Variants in PTPRT observed in about 807,000 individuals in gnomAD.
PTPRT encodes protein tyrosine phosphatase receptor type T.
Under a neutral mutation model 176.8 loss-of-function variants are expected in PTPRT, and 56 were observed. That is an observed-to-expected ratio of 0.32 (90% CI 0.26 to 0.40). The LOEUF is 0.40. Among genes scored for constraint, PTPRT ranks in the 10% least tolerant of loss-of-function variants. The pLI is 1.00. For synonymous variants in PTPRT, 783 were observed against 739.0 expected (o/e 1.06, Z -0.96); for missense variants, 1,540 against 1,908.2 (o/e 0.81, Z 3.60).
chr20:42,415,400 C>T (rs1568859586), intron 9 of PTPRT, among the ~76,000 whole-genome samples: 3 of 151,474 alleles, frequency 2.0e-5, no homozygotes, highest in African/African-American at 4.9e-5. Context: ...TTTGTAGATA[C>T]GGGGTTTCAC....
intron 9 of PTPRT, among the ~76,000 whole-genome samples, chr20:42,441,821 CT>C (rs1211237918): frequency 2.0e-5 from 3 of 152,162 alleles, no homozygotes; most frequent in Admixed American, 1.3e-4. Context: ...AGCTTTTTTC[CT>C]TGTTACCAGC....
intron 1 of PTPRT, among the ~76,000 whole-genome samples, chr20:43,077,663 G>A (rs934429206): frequency 5.3e-5 from 8 of 152,024 alleles, no homozygotes; most frequent in Admixed American, 1.3e-4. Context: ...AAAACACACC[G>A]GCTTCAGTTA....
chr20:42,070,897 G>A (rs6016676), downstream of PTPRT, among the ~76,000 whole-genome samples: 42,491 of 152,016 alleles, frequency 0.28, 6,089 homozygotes, highest in Middle Eastern at 0.31. Flanking sequence ...GGAGTTATGT[G>A]AGATTTTTTT....
At chr20:42,252,633 C>T (rs1205165823) in intron 13 of PTPRT, among the ~76,000 whole-genome samples, 2 of 152,184 alleles carry the variant, frequency 1.3e-5, no homozygotes, top group African/African-American at 4.8e-5. Context: ...CAAGTCCACA[C>T]ACAAAGGAAA....
At chr20:42,311,710 C>G (rs1232622515) in intron 12 of PTPRT, among the ~76,000 whole-genome samples, 1 of 152,032 alleles carries the variant, frequency 6.6e-6, no homozygotes, top group East Asian at 1.9e-4. Flanking sequence ...CACCCCATAT[C>G]AAATCTAGTG....
At chr20:42,239,012 A>G (rs933952682) in intron 14 of PTPRT, among the ~76,000 whole-genome samples, 2 of 152,200 alleles carry the variant, frequency 1.3e-5, no homozygotes, top group African/African-American at 2.4e-5. Context: ...AAAGTATTCT[A>G]TGTAAATTCC....
At chr20:43,061,222 C>A (rs533402526) in intron 1 of PTPRT, among the ~76,000 whole-genome samples, 88 of 152,220 alleles carry the variant, frequency 5.8e-4, no homozygotes, top group Middle Eastern at 3.4e-3. Context: ...AACTCCTTTC[C>A]GTCACTACTC....
chr20:42,133,434 T>A (rs902727601), intron 18 of PTPRT, among the ~76,000 whole-genome samples: 1 of 152,108 alleles, frequency 6.6e-6, no homozygotes, highest in African/African-American at 2.4e-5. Flanking sequence ...AAGAAGCCAA[T>A]CTGAAAAGGC....
At chr20:42,328,891 A>G (rs978569020) in intron 11 of PTPRT, among the ~76,000 whole-genome samples, 4 of 152,226 alleles carry the variant, frequency 2.6e-5, no homozygotes, top group African/African-American at 9.6e-5. Context: ...TGTGATTATT[A>G]GCTGGTAAAC....
intron 1 of PTPRT, among the ~76,000 whole-genome samples, chr20:42,903,859 G>C (rs962128836): frequency 6.6e-6 from 1 of 152,168 alleles, no homozygotes; most frequent in Non-Finnish European, 1.5e-5. Context: ...GAACTAGCAC[G>C]TCACCCAGTT....
chr20:43,076,260 C>T (rs1402596458), intron 1 of PTPRT, among the ~76,000 whole-genome samples: 1 of 152,110 alleles, frequency 6.6e-6, no homozygotes, highest in Non-Finnish European at 1.5e-5. Context: ...TTCCTAGTGT[C>T]CACTGCTAAG....
chr20:42,067,230 G>A, the PTPRT span, among the ~76,000 whole-genome samples: 1 of 152,212 alleles, frequency 6.6e-6, no homozygotes, highest in Non-Finnish European at 1.5e-5. Flanking sequence ...TGTGAGGGCA[G>A]AGAGCTTAGG....
At chr20:42,981,887 G>C (rs1048288934) in intron 1 of PTPRT, among the ~76,000 whole-genome samples, 3 of 152,098 alleles carry the variant, frequency 2.0e-5, no homozygotes, top group Admixed American at 6.6e-5. Context: ...GGAAGGCTGA[G>C]CACTAGCAAA....
At chr20:42,311,694 C>G (rs1414821715) in intron 12 of PTPRT, among the ~76,000 whole-genome samples, 2 of 151,986 alleles carry the variant, frequency 1.3e-5, no homozygotes, top group Non-Finnish European at 1.5e-5. Context: ...TTTTTTACCC[C>G]CCCGTCACCC....
chr20:42,352,312 A>AAC, intron 9 of PTPRT, 27 bp from the exon 10 acceptor site: 1 of 1,611,684 alleles, frequency 6.2e-7, no homozygotes, highest in Non-Finnish European at 8.5e-7. Flanking sequence ...CAAACAAACA[A>AAC]ACAAATAAAT....
intron 6 of PTPRT, among the ~76,000 whole-genome samples, chr20:42,700,222 G>A (rs751210224): frequency 7.2e-5 from 11 of 152,184 alleles, no homozygotes; most frequent in Non-Finnish European, 1.2e-4. Context: ...CCACCAGCTT[G>A]AGAAGCCCAC....
chr20:42,570,698 G>T (rs2145685854), intron 7 of PTPRT, among the ~76,000 whole-genome samples: 1 of 152,084 alleles, frequency 6.6e-6, no homozygotes, highest in Middle Eastern at 3.4e-3. Context: ...ATGAGAGGGA[G>T]AGGGAAAAAA....
At chr20:43,158,140 G>A (rs1600757612) in intron 1 of PTPRT, among the ~76,000 whole-genome samples, 1 of 152,186 alleles carries the variant, frequency 6.6e-6, no homozygotes, top group East Asian at 1.9e-4. Context: ...TGGCGAGAGT[G>A]GGGGGACTCT....
At chr20:43,083,357 T>C (rs1343984651) in intron 1 of PTPRT, among the ~76,000 whole-genome samples, 35 of 126,042 alleles carry the variant, frequency 2.8e-4, no homozygotes, top group African/African-American at 6.6e-4. Flanking sequence ...TATATATATA[T>C]ATATATATAT....
Sources: gnomAD v4.1 joint callset for allele counts (sites outside exome capture counted in the v4.1 genomes callset) on GRCh38, gnomAD v4.1.1 for gene constraint, MANE v1.5 for transcripts, NCBI Gene and HGNC (gene_info 2026-07-23, HGNC 2026-07-21) for gene names.